RREB1: variants seen among roughly 807,000 people sequenced by gnomAD.
The protein encoded by RREB1 is ras responsive element binding protein 1, also known as ras-responsive element-binding protein 1.
Under a neutral mutation model 117.8 loss-of-function variants are expected in RREB1, and 27 were observed. The ratio of observed to expected loss-of-function variants is 0.23; its 90% confidence interval spans 0.17 to 0.32. The LOEUF is 0.32. Among genes scored for constraint, RREB1 ranks in the 10% least tolerant of loss-of-function variants. The probability of loss-of-function intolerance (pLI) is 1.00; values close to 1 mark genes in which losing one functional copy is unlikely to be tolerated. For missense variants in RREB1, 2,577 were observed against 2,378.2 expected (o/e 1.08, Z -1.74); for synonymous variants, 1,298 against 1,026.7 (o/e 1.26, Z -5.05).
intron 11 of RREB1, among the ~76,000 whole-genome samples, chr6:7,245,738 C>G (rs551011449): frequency 6.6e-6 from 1 of 152,328 alleles, no homozygotes; most frequent in Admixed American, 6.5e-5. Context: ...GTCCGCTCCC[C>G]TCACTGTGTG....
At chr6:7,163,741 T>C (rs1335512633) in intron 1 of RREB1, among the ~76,000 whole-genome samples, 4 of 152,316 alleles carry the variant, frequency 2.6e-5, no homozygotes, top group African/African-American at 7.2e-5. Context: ...ATTGAGTTTG[T>C]GTGAGCACGT....
At chr6:7,187,857 A>G (rs1765167649) in intron 5 of RREB1, among the ~76,000 whole-genome samples, 1 of 152,208 alleles carries the variant, frequency 6.6e-6, no homozygotes, top group African/African-American at 2.4e-5. Flanking sequence ...TCTTAGGTCA[A>G]CACAGAATTC....
At chr6:7,111,279 G>A (rs1165055727) in intron 1 of RREB1, among the ~76,000 whole-genome samples, 1 of 152,264 alleles carries the variant, frequency 6.6e-6, no homozygotes, top group East Asian at 1.9e-4. Flanking sequence ...GTCTTTGCTT[G>A]CTATCTTATG....
In RREB1 at chr6:7,248,951, C is replaced by T; in HGVS notation, c.5212C>T (p.Leu1738Phe). The T allele has an allele frequency of 6.7e-7, 1 of 1,489,596 alleles. No individual in the cohort carries two copies. The highest frequency in any genetic ancestry group is 8.9e-7 in the Non-Finnish European group (1 of 1,122,668). 92.3% of individuals were successfully genotyped at this position (1,489,596 alleles called of 1,614,324 possible). ...GGCCACAGCTGATGGCGCCTCCCAG[C>T]TCGTGGGGATGGAGTGACAGCCTCA... Reference protein sequence around the residue: ...ILATADGASQLVGME With the variant: ...ILATADGASQFVGME Residue 1738 changes from leucine to phenylalanine, a missense_variant, in exon 13 of 13, where the codon CTC (leucine) becomes TTC (phenylalanine). Coordinates refer to ENST00000379938, the MANE Select transcript of RREB1 (RefSeq NM_001003699.4).
chr6:7,246,567 A>G lies in RREB1; in HGVS notation c.4117A>G (p.Thr1373Ala). 2 of 1,549,672 alleles carry G rather than the reference A, an allele frequency of 1.3e-6. No individual in the cohort carries two copies. The highest frequency in any genetic ancestry group is 1.2e-5 in the South Asian group (1 of 84,134). Residue 1373 changes from threonine to alanine, a missense_variant, in exon 12 of 13, where the codon ACG (threonine) becomes GCG (alanine). Thr to Ala is a moderately conservative substitution (Grantham distance 58). Coordinates refer to ENST00000379938, the MANE Select transcript of RREB1 (RefSeq NM_001003699.4). ...DAPVEQATAE[T>A]ASPVHREEHG... Reference sequence around the variant, plus strand: ...GCCTGTGGAGCAGGCCACGGCGGAAACGGCCTCGCCGGTGCACCGGGAAGA... The same window carrying G: ...GCCTGTGGAGCAGGCCACGGCGGAAGCGGCCTCGCCGGTGCACCGGGAAGA...
At chr6:7,121,079 C>T (rs1035524127) in intron 1 of RREB1, among the ~76,000 whole-genome samples, 1 of 152,138 alleles carries the variant, frequency 6.6e-6, no homozygotes, top group Admixed American at 6.5e-5. Context: ...CCACCTCAGC[C>T]TCCCAAAGTG....
chr6:7,229,441 A>T lies in RREB1; in HGVS notation c.1342A>T (p.Ile448Phe). 6.2e-7 allele frequency: 1 copy of T among 1,614,152 alleles called. No individual in the cohort carries two copies. The highest frequency in any genetic ancestry group is 8.5e-7 in the Non-Finnish European group (1 of 1,180,010). Residue 448 changes from isoleucine (I) to phenylalanine (F), a missense_variant, in exon 10 of 13, where the codon ATC becomes TTC. Coordinates refer to ENST00000379938, the MANE Select transcript of RREB1 (RefSeq NM_001003699.4). The surrounding 1 kb of genome is among the most constrained non-coding windows in gnomAD (Gnocchi z 4.5). ...GCAGCCCTTCCAGAAGGGCTTCATC[A>T]TCCAGCCTGACAGCAGCATTGTGGT... ...SLQPFQKGFI[I>F]QPDSSIVVKP...
chr6:7,216,462 G>T (rs1407349280), intron 8 of RREB1: 2 of 152,236 alleles, frequency 1.3e-5, no homozygotes, highest in African/African-American at 4.8e-5. Flanking sequence ...GGGAGCCCAA[G>T]GGGGCTCTGA....
intron 4 of RREB1, 87 bp downstream of exon 4, chr6:7,182,169 C>A: frequency 1.6e-6 from 2 of 1,267,858 alleles, no homozygotes; most frequent in Non-Finnish European, 1.1e-6. Context: ...ATGATAAAAC[C>A]TTGGAAGAAT....
intron 1 of RREB1, among the ~76,000 whole-genome samples, chr6:7,166,484 A>AG (rs1205583917): frequency 6.6e-6 from 1 of 152,148 alleles, no homozygotes; most frequent in African/African-American, 2.4e-5. Context: ...TGTATGGCGG[A>AG]GGGCAGCCCA....
intron 1 of RREB1, among the ~76,000 whole-genome samples, chr6:7,157,407 C>G (rs1201162444): frequency 6.6e-6 from 1 of 151,248 alleles, no homozygotes; most frequent in Non-Finnish European, 1.5e-5. Flanking sequence ...GCACTCCAGC[C>G]TGGGCAACAG....
chr6:7,122,721 A>G (rs188106601), intron 1 of RREB1, among the ~76,000 whole-genome samples: 5 of 152,330 alleles, frequency 3.3e-5, no homozygotes, highest in Admixed American at 3.3e-4. Flanking sequence ...GAAAATTTAA[A>G]TTTTAAAGTA....
chr6:7,158,665 A>C (rs1477335815), intron 1 of RREB1, among the ~76,000 whole-genome samples: 3 of 152,158 alleles, frequency 2.0e-5, no homozygotes, highest in Non-Finnish European at 2.9e-5. Context: ...TACCTTCCCA[A>C]GCTTTCTTTT....
Position 7,249,640 on chromosome 6 carries a change from C to T in RREB1, c.*672C>T, listed in dbSNP as rs1347834826. On this transcript the variant is annotated 3_prime_UTR_variant, in exon 13 of 13. Transcript: ENST00000379938. ...CTAGCTTCAGCCTCATGTCCATTTCCAGTCTGTCAGCATTAGACATGGTCA... is the reference window on the plus strand; with the variant it reads ...CTAGCTTCAGCCTCATGTCCATTTCTAGTCTGTCAGCATTAGACATGGTCA... 6.6e-6 allele frequency: 1 copy of T among 152,144 alleles called. No individual in the cohort carries two copies. The highest frequency in any genetic ancestry group is 1.5e-5 in the Non-Finnish European group (1 of 68,026). 9.4% of individuals were successfully genotyped at this position (152,144 alleles called of 1,614,324 possible).
At position 7,248,219 on chromosome 6, in the gene RREB1, T is replaced by C. The variant is rs189350193; in HGVS notation, c.4772-292T>C. Among the ~76,000 whole-genome samples the C allele has an allele frequency of 3.3e-5, 5 of 152,364 alleles. 1 individual carries two copies. The highest frequency in any genetic ancestry group is 2.6e-4 in the Admixed American group (4 of 15,308). Reference sequence around the variant, plus strand: ...TCCCAGTCTCTGGTCGAGGCCAGTCTGCACATCTCCTGAGGCTTCTGCTTC... The same window carrying C: ...TCCCAGTCTCTGGTCGAGGCCAGTCCGCACATCTCCTGAGGCTTCTGCTTC... On this transcript the variant is annotated intron_variant, in intron 12 of 12. Coordinates refer to ENST00000379938, the MANE Select transcript of RREB1 (RefSeq NM_001003699.4).
Position 7,250,325 on chromosome 6 carries a change from A to G in RREB1, c.*1357A>G, listed in dbSNP as rs1769355499. On this transcript the variant is annotated 3_prime_UTR_variant, in exon 13 of 13. Coordinates refer to ENST00000379938, the MANE Select transcript of RREB1 (RefSeq NM_001003699.4). Reference sequence around the variant, plus strand: ...TCAGATAAGAAATAGGTTTATATTTACCTTCCTGCGATGTGGGGTTGGTGC... The same window carrying G: ...TCAGATAAGAAATAGGTTTATATTTGCCTTCCTGCGATGTGGGGTTGGTGC... The G allele has an allele frequency of 6.6e-6, 1 of 152,212 alleles. No individual in the cohort carries two copies. Among genetic ancestry groups the G allele is most frequent in the African/African-American group, 2.4e-5 (1 of 41,448 alleles). 9.4% of individuals were successfully genotyped at this position (152,212 alleles called of 1,614,324 possible). A position where few individuals can be genotyped will look rare whatever the true frequency, so the allele number is the denominator to read the frequency against.
At chr6:7,190,001 T>C (rs1765318811) in intron 6 of RREB1, among the ~76,000 whole-genome samples, 1 of 152,186 alleles carries the variant, frequency 6.6e-6, no homozygotes, top group Non-Finnish European at 1.5e-5. Flanking sequence ...TGCTTTCTTT[T>C]AAAAAAGTTG....
At chr6:7,238,226 A>G (rs984586049) in intron 10 of RREB1, among the ~76,000 whole-genome samples, 6 of 152,198 alleles carry the variant, frequency 3.9e-5, no homozygotes, top group African/African-American at 1.2e-4. Context: ...ATGAAAAACA[A>G]TAAGTAATTT....
intron 4 of RREB1, chr6:7,184,566 T>C (rs190945006): frequency 1.3e-5 from 2 of 152,168 alleles, no homozygotes; most frequent in Non-Finnish European, 2.9e-5. Flanking sequence ...ACATGGTTCA[T>C]TTTAAAAGAT....
Sources: gnomAD v4.1 joint callset for allele counts (sites outside exome capture counted in the v4.1 genomes callset) on GRCh38, gnomAD v4.1.1 for gene constraint, Gnocchi (gnomAD v3.1) non-coding constraint, MANE v1.5 for transcripts, NCBI Gene and HGNC (gene_info 2026-07-23, HGNC 2026-07-21) for gene names.